RIMS2: variants seen among roughly 807,000 people sequenced by gnomAD.
RIMS2 encodes the protein regulating synaptic membrane exocytosis 2.
Under a neutral mutation model 174.4 loss-of-function variants are expected in RIMS2, and 59 were observed. The observed-to-expected ratio is 0.34, with a 90% CI of 0.27 to 0.42. The LOEUF is 0.42. Ranked by LOEUF, RIMS2 falls within the 10% of genes least tolerant of loss-of-function variation. The pLI is 1.00. For missense variants in RIMS2, 1,620 were observed against 1,666.3 expected (o/e 0.97, Z 0.48); for synonymous variants, 606 against 572.5 (o/e 1.06, Z -0.84).
chr8:104,039,670 T>G (rs2096576385), intron 19 of RIMS2, among the ~76,000 whole-genome samples: 2 of 151,754 alleles, frequency 1.3e-5, no homozygotes, highest in African/African-American at 4.8e-5. Context: ...AAAATGTGTA[T>G]CTAGGGAAAT....
chr8:104,157,116 A>T (rs1600193514), intron 19 of RIMS2, among the ~76,000 whole-genome samples: 1 of 152,194 alleles, frequency 6.6e-6, no homozygotes, highest in East Asian at 1.9e-4. Context: ...ATCCTTCATT[A>T]TTTAAAAATA....
intron 19 of RIMS2, chr8:104,223,244 G>T (rs920792239): frequency 1.5e-5 from 6 of 389,258 alleles, no homozygotes; most frequent in African/African-American, 1.1e-4. Context: ...GCCCACCGAG[G>T]TGCAGCCGCG....
intron 19 of RIMS2, among the ~76,000 whole-genome samples, chr8:104,186,798 C>T (rs532050120): frequency 6.6e-6 from 1 of 151,886 alleles, no homozygotes; most frequent in Admixed American, 6.6e-5. Flanking sequence ...ATATTTGATA[C>T]TCCTCCTTGG....
chr8:103,765,128 C>T (rs2098155208), intron 2 of RIMS2, among the ~76,000 whole-genome samples: 1 of 151,970 alleles, frequency 6.6e-6, no homozygotes, highest in South Asian at 2.1e-4. Flanking sequence ...TGTTTAGCAA[C>T]CTGGAGAGCT....
chr8:103,599,912 G>A (rs1252206924), intron 1 of RIMS2, among the ~76,000 whole-genome samples: 7 of 152,036 alleles, frequency 4.6e-5, no homozygotes, highest in African/African-American at 4.8e-5. Context: ...TTATACTCTT[G>A]TAGTTATTTA....
intron 1 of RIMS2, 77 bp downstream of exon 2, chr8:103,652,314 C>A: frequency 2.6e-6 from 2 of 778,738 alleles, no homozygotes; most frequent in Non-Finnish European, 4.0e-6. Flanking sequence ...TATTAGCTTA[C>A]ACTAATACTG....
chr8:103,564,717 G>C (rs1415046698), intron 1 of RIMS2, among the ~76,000 whole-genome samples: 1 of 152,202 alleles, frequency 6.6e-6, no homozygotes, highest in Non-Finnish European at 1.5e-5. Context: ...TATCCTAGCT[G>C]TGCTGGCAGC....
intron 19 of RIMS2, among the ~76,000 whole-genome samples, chr8:104,180,585 G>A (rs968023653): frequency 6.6e-6 from 1 of 151,486 alleles, no homozygotes; most frequent in Non-Finnish European, 1.5e-5. Flanking sequence ...CCCCAAATAT[G>A]CATTGTATGT....
chr8:104,125,818 T>C (rs144118281), intron 19 of RIMS2, among the ~76,000 whole-genome samples: 3 of 152,292 alleles, frequency 2.0e-5, no homozygotes, highest in Non-Finnish European at 4.4e-5. Context: ...CATATTTAAC[T>C]ACTCAAAAAC....
At chr8:104,033,522 T>A (rs1042400690) in intron 19 of RIMS2, among the ~76,000 whole-genome samples, 3 of 151,996 alleles carry the variant, frequency 2.0e-5, no homozygotes, top group African/African-American at 7.2e-5. Context: ...TATTTTGACA[T>A]CTCAGAAACA....
chr8:103,554,057 G>C lies in RIMS2; in HGVS notation c.176+52995G>C, dbSNP rs371314404. Among the ~76,000 whole-genome samples, 23 of 152,226 alleles carry C rather than the reference G, an allele frequency of 1.5e-4. No homozygotes were observed. In the East Asian group the frequency reaches 2.5e-3, roughly 17 times the overall value. On this transcript the variant is annotated intron_variant, in intron 1 of 23. Coordinates refer to ENST00000504942, the Ensembl canonical transcript of RIMS2. ...CTTATACAAATAGCAACTCAAGATG[G>C]ATTAAAGACTTAAATGTAAAACCTG...
At chr8:103,551,699 C>A (rs1190356693) in intron 1 of RIMS2, among the ~76,000 whole-genome samples, 4 of 152,124 alleles carry the variant, frequency 2.6e-5, no homozygotes, top group Non-Finnish European at 4.4e-5. Flanking sequence ...ATTTAGAAAA[C>A]CCCATCGTGT....
At chr8:103,660,612 C>CA (rs766551008) in intron 1 of RIMS2, among the ~76,000 whole-genome samples, 17 of 145,058 alleles carry the variant, frequency 1.2e-4, no homozygotes, top group Non-Finnish European at 2.0e-4. Flanking sequence ...AAAACAAAAA[C>CA]AAAAAAACAA....
At chr8:104,093,111 G>A in intron 19 of RIMS2, among the ~76,000 whole-genome samples, 1 of 151,760 alleles carries the variant, frequency 6.6e-6, no homozygotes, top group East Asian at 1.9e-4. Flanking sequence ...TTAATTGATG[G>A]CTACTAGAAT....
chr8:104,108,552 G>T (rs1247496357), intron 19 of RIMS2, among the ~76,000 whole-genome samples: 1 of 151,682 alleles, frequency 6.6e-6, no homozygotes, highest in Admixed American at 6.6e-5. Flanking sequence ...TTCCACCTTG[G>T]CCCCCCAGAG....
intron 1 of RIMS2, among the ~76,000 whole-genome samples, chr8:103,561,501 A>G (rs1480795784): frequency 2.0e-5 from 3 of 152,218 alleles, no homozygotes; most frequent in Non-Finnish European, 4.4e-5. Context: ...GTAGAAGTCA[A>G]GAGATACATA....
chr8:103,684,536 C>G (rs1172637414), intron 1 of RIMS2, among the ~76,000 whole-genome samples: 2 of 138,006 alleles, frequency 1.4e-5, no homozygotes, highest in African/African-American at 5.1e-5. Context: ...CTGGTTCATA[C>G]TTTTTTTATT....
chr8:104,122,049 A>T (rs1016448578), intron 19 of RIMS2, among the ~76,000 whole-genome samples: 2 of 152,182 alleles, frequency 1.3e-5, no homozygotes, highest in African/African-American at 4.8e-5. Context: ...TTATATTCTG[A>T]TGGGGGGACT....
chr8:104,137,400 G>A (rs745784400), intron 19 of RIMS2, among the ~76,000 whole-genome samples: 6 of 152,088 alleles, frequency 3.9e-5, no homozygotes, highest in Non-Finnish European at 5.9e-5. Context: ...TCATCACAAC[G>A]TTGAGAGAGT....
Sources: gnomAD v4.1 joint callset for allele counts (sites outside exome capture counted in the v4.1 genomes callset) on GRCh38, gnomAD v4.1.1 for gene constraint, MANE v1.5 for transcripts, NCBI Gene and HGNC (gene_info 2026-07-23, HGNC 2026-07-21) for gene names.